Variants in CD226 observed in about 807,000 individuals in gnomAD.
CD226 encodes CD226 antigen.
Under a neutral mutation model 34.9 loss-of-function variants are expected in CD226, and 24 were observed. That is an observed-to-expected ratio of 0.69 (90% CI 0.50 to 0.97). The LOEUF is 0.97. CD226 is among the 50% of genes least tolerant of loss of function. The pLI, the probability that CD226 is intolerant of heterozygous loss-of-function variation, is 0.00. For missense variants in CD226, 397 were observed against 412.7 expected (o/e 0.96, Z 0.33); for synonymous variants, 148 against 147.4 (o/e 1.00, Z -0.03).
At chr18:69,866,036 G>C (rs1358400282) in intron 5 of CD226, among the ~76,000 whole-genome samples, 4 of 152,048 alleles carry the variant, frequency 2.6e-5, no homozygotes, top group Admixed American at 6.6e-5. Flanking sequence ...AAAGAGTCCA[G>C]TGAGGGCCTG....
Position 69,855,436 on chromosome 18 carries a change from G to A in CD226, c.*8878C>T, listed in dbSNP as rs1299638056. On this transcript the variant is annotated 3_prime_UTR_variant, in exon 6 of 6. Transcript: ENST00000582621. ...GGAAGAATGAATGACTTTGAAGCTA[G>A]GCCAATAGAAACTTTTCAAACTAAA... 6.6e-6 allele frequency: 1 copy of A among 152,078 alleles called. No homozygotes were observed. Among genetic ancestry groups the A allele is most frequent in the African/African-American group, 2.4e-5 (1 of 41,402 alleles). 9.4% of individuals were successfully genotyped at this position (152,078 alleles called of 1,614,324 possible).
intron 1 of CD226, among the ~76,000 whole-genome samples, chr18:69,953,095 T>C (rs1257622591): frequency 6.6e-6 from 1 of 152,184 alleles, no homozygotes; most frequent in Admixed American, 6.5e-5. Flanking sequence ...ATTCGAACCC[T>C]TGTGTACTGT....
chr18:69,865,262 T>G (rs559651022), intron 5 of CD226, among the ~76,000 whole-genome samples: 1 of 152,294 alleles, frequency 6.6e-6, no homozygotes, highest in African/African-American at 2.4e-5. Context: ...AGTGTTGGGA[T>G]TACAAGCGTG....
chr18:69,900,607 C>T (rs1262082195), intron 2 of CD226, among the ~76,000 whole-genome samples: 1 of 150,764 alleles, frequency 6.6e-6, no homozygotes, highest in Non-Finnish European at 1.5e-5. Context: ...TGGCGGGCGC[C>T]TGTAGTCCCA....
intron 2 of CD226, among the ~76,000 whole-genome samples, chr18:69,934,983 C>T (rs1426890894): frequency 1.3e-5 from 2 of 152,260 alleles, no homozygotes; most frequent in Middle Eastern, 3.4e-3. Context: ...ACCTCCTCTC[C>T]CTATAAAACC....
intron 2 of CD226, among the ~76,000 whole-genome samples, chr18:69,940,503 A>C (rs1438429195): frequency 6.6e-6 from 1 of 152,294 alleles, no homozygotes; most frequent in African/African-American, 2.4e-5. Context: ...ACAGTGATAT[A>C]AACAATGAAG....
chr18:69,891,424 A>G (rs1197055996), intron 3 of CD226, among the ~76,000 whole-genome samples: 6 of 152,230 alleles, frequency 3.9e-5, no homozygotes, highest in Admixed American at 2.0e-4. Context: ...AGATCAGGAA[A>G]AAGACAAAGG....
chr18:69,947,229 C>A, intron 1 of CD226, 132 bp downstream of exon 1: 1 of 929,638 alleles, frequency 1.1e-6, no homozygotes, highest in Non-Finnish European at 1.6e-6. Context: ...GAAAATGTAA[C>A]TTTTAGTTTT....
chr18:69,895,242 T>C (rs1020626544), intron 3 of CD226, among the ~76,000 whole-genome samples: 1 of 152,178 alleles, frequency 6.6e-6, no homozygotes, highest in African/African-American at 2.4e-5. Context: ...GGCAACCGCA[T>C]TCTCAAACAC....
At chr18:69,913,714 C>T (rs1394264055) in intron 2 of CD226, among the ~76,000 whole-genome samples, 3 of 152,136 alleles carry the variant, frequency 2.0e-5, no homozygotes, top group African/African-American at 7.2e-5. Context: ...GGATGGACCT[C>T]ACGAGCAGGC....
intron 3 of CD226, among the ~76,000 whole-genome samples, chr18:69,877,017 C>A (rs1026036505): frequency 6.6e-6 from 1 of 152,066 alleles, no homozygotes; most frequent in Non-Finnish European, 1.5e-5. Context: ...GCACCCGCCA[C>A]TACGTCCAGC....
chr18:69,880,577 G>C (rs1400590788), intron 3 of CD226, among the ~76,000 whole-genome samples: 1 of 152,072 alleles, frequency 6.6e-6, no homozygotes, highest in Non-Finnish European at 1.5e-5. Context: ...CAAGAGAATG[G>C]GGAGGGAGAT....
chr18:69,871,328 TC>T (rs1983508990), intron 4 of CD226, among the ~76,000 whole-genome samples: 1 of 152,204 alleles, frequency 6.6e-6, no homozygotes, highest in South Asian at 2.1e-4. Flanking sequence ...TTAAGGGCAG[TC>T]CGTGATGGGG....
intron 2 of CD226, among the ~76,000 whole-genome samples, chr18:69,923,823 G>A (rs1467732033): frequency 2.0e-5 from 3 of 151,628 alleles, no homozygotes; most frequent in East Asian, 1.9e-4. Flanking sequence ...GCGTAGTGGC[G>A]GGCGCCTGTA....
At chr18:69,872,987 C>A (rs1179787004) in intron 4 of CD226, among the ~76,000 whole-genome samples, 157 bp downstream of exon 4, 2 of 152,150 alleles carry the variant, frequency 1.3e-5, no homozygotes, top group Non-Finnish European at 2.9e-5. Context: ...TCCAGCTCTC[C>A]CTGTAACATT....
intron 3 of CD226, among the ~76,000 whole-genome samples, chr18:69,885,843 G>A (rs533242628): frequency 2.6e-5 from 4 of 152,286 alleles, no homozygotes; most frequent in African/African-American, 9.6e-5. Context: ...AGACAGGAAG[G>A]AAGGGGAGAA....
intron 3 of CD226, among the ~76,000 whole-genome samples, chr18:69,889,560 G>T (rs1598974117): frequency 6.6e-6 from 1 of 151,806 alleles, no homozygotes; most frequent in East Asian, 1.9e-4. Flanking sequence ...GAGCAAACTG[G>T]TTGGTTTTTG....
At chr18:69,930,301 C>A (rs1301872869) in intron 2 of CD226, among the ~76,000 whole-genome samples, 1 of 152,090 alleles carries the variant, frequency 6.6e-6, no homozygotes, top group Non-Finnish European at 1.5e-5. Flanking sequence ...CAAAACAAAG[C>A]ATAAAAGATG....
upstream of CD226, among the ~76,000 whole-genome samples, chr18:69,951,270 G>A (rs1021698915): frequency 6.6e-6 from 1 of 152,022 alleles, no homozygotes; most frequent in African/African-American, 2.4e-5. Flanking sequence ...GATCCACCAT[G>A]CCCAGCCTGA....
Sources: allele counts gnomAD v4.1 joint callset (sites outside exome capture counted in the v4.1 genomes callset), GRCh38; gene constraint gnomAD v4.1.1; transcripts MANE v1.5; gene names NCBI Gene and HGNC (gene_info 2026-07-23, HGNC 2026-07-21).